TBC1D19: variants seen among roughly 807,000 people sequenced by gnomAD.
TBC1D19 encodes TBC1 domain family member 19, also known as TBC1 domain family, member 19.
Under a neutral mutation model 89.0 loss-of-function variants are expected in TBC1D19, and 60 were observed. The observed-to-expected ratio is 0.67, with a 90% confidence interval of 0.55 to 0.84. The LOEUF (loss-of-function observed/expected upper bound fraction) is 0.84, where lower values mean the gene tolerates loss of function less well. TBC1D19 is among the 40% of genes least tolerant of loss of function. The probability of loss-of-function intolerance (pLI) is 0.00; values close to 1 mark genes in which losing one functional copy is unlikely to be tolerated. For missense variants in TBC1D19, 500 were observed against 610.8 expected (o/e 0.82, Z 1.91); for synonymous variants, 189 against 199.7 (o/e 0.95, Z 0.45).
At chr4:26,642,598 A>G (rs1455449966) in intron 7 of TBC1D19, among the ~76,000 whole-genome samples, 1 of 152,224 alleles carries the variant, frequency 6.6e-6, no homozygotes, top group Non-Finnish European at 1.5e-5. Context: ...TTAAATGTCA[A>G]TGGGCTAAAT....
chr4:26,665,749 A>G (rs1437072620), intron 8 of TBC1D19, among the ~76,000 whole-genome samples: 1 of 152,022 alleles, frequency 6.6e-6, no homozygotes, highest in African/African-American at 2.4e-5. Context: ...TAAAATTGGT[A>G]AGTGATATGC....
chr4:26,797,657 A>G, the TBC1D19 span, among the ~76,000 whole-genome samples: 57 of 152,352 alleles, frequency 3.7e-4, no homozygotes, highest in Admixed American at 1.1e-3. Context: ...CTACCAAACT[A>G]TAGTAACTGA....
intron 9 of TBC1D19, among the ~76,000 whole-genome samples, chr4:26,670,249 T>C (rs1712173940): frequency 6.6e-6 from 1 of 150,764 alleles, no homozygotes; most frequent in Non-Finnish European, 1.5e-5. Flanking sequence ...TATATATAAA[T>C]GATTTATGTT....
the TBC1D19 span, among the ~76,000 whole-genome samples, chr4:26,823,048 G>T: frequency 1.3e-5 from 2 of 152,134 alleles, no homozygotes; most frequent in Non-Finnish European, 2.9e-5. Context: ...ACCCAAGACT[G>T]GGCAATTTAC....
chr4:26,807,242 A>G, the TBC1D19 span, among the ~76,000 whole-genome samples: 1 of 152,106 alleles, frequency 6.6e-6, no homozygotes, highest in Non-Finnish European at 1.5e-5. Flanking sequence ...CCGGTATCCG[A>G]CCTGACTCAG....
At chr4:26,842,340 C>CTTTTTTTTTTT in the TBC1D19 span, among the ~76,000 whole-genome samples, 351 of 81,604 alleles carry the variant, frequency 4.3e-3, 2 homozygotes, top group Non-Finnish European at 5.8e-3. Context: ...CTTTTCTTTT[C>CTTTTTTTTTTT]TTTTTTTTTT....
At chr4:26,653,444 G>T (rs532282570) in intron 7 of TBC1D19, among the ~76,000 whole-genome samples, 3 of 152,028 alleles carry the variant, frequency 2.0e-5, no homozygotes, top group Non-Finnish European at 4.4e-5. Flanking sequence ...CGTTCTGTCT[G>T]GTTGATCTGT....
chr4:26,854,419 A>G, the TBC1D19 span, among the ~76,000 whole-genome samples: 4 of 152,252 alleles, frequency 2.6e-5, no homozygotes, highest in African/African-American at 7.2e-5. Flanking sequence ...TTAGTTCACA[A>G]TGCCTTGGCT....
the TBC1D19 span, among the ~76,000 whole-genome samples, chr4:26,793,486 A>T: frequency 6.6e-6 from 1 of 152,152 alleles, no homozygotes; most frequent in Non-Finnish European, 1.5e-5. Context: ...GCACTTTGGA[A>T]GGCCAAGGCG....
the TBC1D19 span, among the ~76,000 whole-genome samples, chr4:26,800,667 G>C: frequency 6.6e-6 from 1 of 152,190 alleles, no homozygotes; most frequent in Non-Finnish European, 1.5e-5. Flanking sequence ...TCCAGCACCT[G>C]TTGTTTCCTG....
rs567507937 is a variant in TBC1D19, at chr4:26,671,957, A to G, written c.665-192A>G. On this transcript the variant is annotated intron_variant, in intron 9 of 20. Coordinates refer to ENST00000264866, the MANE Select transcript of TBC1D19 (RefSeq NM_018317.4). Reference sequence around the variant, plus strand: ...AATTTTTTTGTTTGATTAAATGCTCATAACTCTGTTTTAATTTTAAAAAAT... The same window carrying G: ...AATTTTTTTGTTTGATTAAATGCTCGTAACTCTGTTTTAATTTTAAAAAAT... Among the ~76,000 whole-genome samples, 24 of 151,990 alleles carry G rather than the reference A, an allele frequency of 1.6e-4. No individual in the cohort carries two copies. In the South Asian group the frequency reaches 4.8e-3, roughly 30 times the overall value.
At chr4:26,590,307 C>G (rs1474169676) in intron 1 of TBC1D19, among the ~76,000 whole-genome samples, 1 of 152,150 alleles carries the variant, frequency 6.6e-6, no homozygotes, top group African/African-American at 2.4e-5. Context: ...GGGTGACATT[C>G]TTTTATAGTG....
the TBC1D19 span, among the ~76,000 whole-genome samples, chr4:26,842,413 C>T: frequency 2.2e-4 from 30 of 135,886 alleles, no homozygotes; most frequent in African/African-American, 7.7e-4. Flanking sequence ...GGTGTGATCA[C>T]GGTTCACTGC....
At chr4:26,604,380 T>C (rs1740841157) in intron 1 of TBC1D19, among the ~76,000 whole-genome samples, 1 of 150,862 alleles carries the variant, frequency 6.6e-6, no homozygotes, top group Admixed American at 6.6e-5. Context: ...TCTCCATCTC[T>C]TGACCTTGTG....
At chr4:26,660,042 T>C (rs909618029) in intron 8 of TBC1D19, among the ~76,000 whole-genome samples, 2 of 152,200 alleles carry the variant, frequency 1.3e-5, no homozygotes, top group Non-Finnish European at 2.9e-5. Context: ...AGATTATTTT[T>C]AAAAAAGTAC....
intron 7 of TBC1D19, among the ~76,000 whole-genome samples, chr4:26,658,199 C>T (rs1744987157): frequency 6.6e-6 from 1 of 152,186 alleles, no homozygotes; most frequent in Admixed American, 6.5e-5. Context: ...AGATTTTCTT[C>T]TAGGATTCCT....
intron 7 of TBC1D19, among the ~76,000 whole-genome samples, chr4:26,647,787 A>C (rs1744076078): frequency 6.6e-6 from 1 of 151,882 alleles, no homozygotes; most frequent in Non-Finnish European, 1.5e-5. Flanking sequence ...ATTTTTCCCT[A>C]AATGTCTACC....
At chr4:26,835,481 G>A in the TBC1D19 span, among the ~76,000 whole-genome samples, 2 of 152,134 alleles carry the variant, frequency 1.3e-5, no homozygotes, top group African/African-American at 2.4e-5. Flanking sequence ...ACTTCCAAAA[G>A]CTCACCCTTC....
At chr4:26,780,826 G>T in the TBC1D19 span, among the ~76,000 whole-genome samples, 1 of 152,190 alleles carries the variant, frequency 6.6e-6, no homozygotes, top group African/African-American at 2.4e-5. Context: ...TCACCTAAGG[G>T]GTAGCTGACT....
Sources: gnomAD v4.1 joint callset for allele counts (sites outside exome capture counted in the v4.1 genomes callset) on GRCh38, gnomAD v4.1.1 for gene constraint, MANE v1.5 for transcripts, NCBI Gene and HGNC (gene_info 2026-07-23, HGNC 2026-07-21) for gene names.